CDH13: variants seen among roughly 807,000 people sequenced by gnomAD.
The protein encoded by CDH13 is cadherin 13.
A neutral mutation model predicts 63.8 loss-of-function variants in CDH13; 24 were observed. The ratio of observed to expected loss-of-function variants is 0.38; its 90% CI spans 0.27 to 0.53. The LOEUF (loss-of-function observed/expected upper bound fraction) is 0.53. CDH13 is among the 20% of genes least tolerant of loss of function. CDH13 has a pLI of 0.85. For synonymous variants in CDH13, 503 were observed against 355.3 expected, an observed-to-expected ratio of 1.42 and a Z score of -4.67; for missense variants, 1,049 against 903.1, an observed-to-expected ratio of 1.16 and a Z score of -2.07.
intron 3 of CDH13, among the ~76,000 whole-genome samples, chr16:83,057,632 C>T (rs889817892): frequency 1.3e-5 from 2 of 151,448 alleles, no homozygotes; most frequent in Admixed American, 6.6e-5. Flanking sequence ...AAGGCTAAAT[C>T]CTTAGCATGA....
At chr16:83,016,132 A>G (rs1186891294) in intron 2 of CDH13, among the ~76,000 whole-genome samples, 3 of 152,184 alleles carry the variant, frequency 2.0e-5, no homozygotes, top group Admixed American at 6.5e-5. Flanking sequence ...GGGATGTAAT[A>G]AAAATCACTT....
intron 2 of CDH13, among the ~76,000 whole-genome samples, chr16:83,025,749 C>T (rs558425544): frequency 5.9e-5 from 9 of 152,130 alleles, no homozygotes; most frequent in Non-Finnish European, 1.2e-4. Flanking sequence ...ATAACAGTTG[C>T]TGGCATGCCA....
At chr16:82,719,964 T>C (rs530572800) in intron 1 of CDH13, among the ~76,000 whole-genome samples, 1 of 152,186 alleles carries the variant, frequency 6.6e-6, no homozygotes, top group East Asian at 1.9e-4. Context: ...GCAATTTTAC[T>C]GTATGCTAAA....
chr16:83,382,799 A>G (rs1231004050), intron 6 of CDH13, among the ~76,000 whole-genome samples: 2 of 152,048 alleles, frequency 1.3e-5, no homozygotes, highest in African/African-American at 2.4e-5. Context: ...ATCCAGTTAC[A>G]CCAATGGTTC....
chr16:83,570,367 C>G (rs536985912), intron 7 of CDH13, among the ~76,000 whole-genome samples: 1 of 152,138 alleles, frequency 6.6e-6, no homozygotes, highest in East Asian at 1.9e-4. Context: ...TCTGATGACA[C>G]TTGTCTCGGA....
At chr16:83,086,408 C>T (rs1000267228) in intron 3 of CDH13, among the ~76,000 whole-genome samples, 1 of 152,146 alleles carries the variant, frequency 6.6e-6, no homozygotes, top group African/African-American at 2.4e-5. Context: ...ATAATTCCTT[C>T]CACTGGAGTT....
At chr16:82,832,916 G>A (rs544317812) in intron 1 of CDH13, among the ~76,000 whole-genome samples, 3 of 152,232 alleles carry the variant, frequency 2.0e-5, no homozygotes, top group Admixed American at 6.5e-5. Flanking sequence ...AGATGCTTAA[G>A]AGGCTGCTTT....
chr16:83,612,352 T>A (rs1304282214), intron 8 of CDH13, among the ~76,000 whole-genome samples: 1 of 152,084 alleles, frequency 6.6e-6, no homozygotes, highest in South Asian at 2.1e-4. Flanking sequence ...AGTGTCATCA[T>A]GGTATATTTC....
chr16:82,947,798 C>T (rs1366338207), intron 2 of CDH13, among the ~76,000 whole-genome samples: 1 of 152,008 alleles, frequency 6.6e-6, no homozygotes, highest in African/African-American at 2.4e-5. Context: ...AGAATCAGTT[C>T]CTCAAGTGGA....
At chr16:83,502,605 C>T (rs1036350711) in intron 7 of CDH13, among the ~76,000 whole-genome samples, 6 of 152,092 alleles carry the variant, frequency 3.9e-5, no homozygotes, top group Non-Finnish European at 5.9e-5. Flanking sequence ...AAAGAGATGA[C>T]GTGTTAAATA....
At chr16:82,885,341 T>A (rs959334995) in intron 2 of CDH13, among the ~76,000 whole-genome samples, 2 of 152,136 alleles carry the variant, frequency 1.3e-5, no homozygotes, top group African/African-American at 4.8e-5. Context: ...ATAATCAGTT[T>A]TATGTTTTTT....
At chr16:83,421,435 C>A (rs2071710623) in intron 6 of CDH13, among the ~76,000 whole-genome samples, 1 of 152,096 alleles carries the variant, frequency 6.6e-6, no homozygotes, top group Non-Finnish European at 1.5e-5. Flanking sequence ...TACATCTTTC[C>A]AATTAATTAT....
At chr16:83,108,047 C>T (rs1053229541) in intron 3 of CDH13, among the ~76,000 whole-genome samples, 1 of 152,022 alleles carries the variant, frequency 6.6e-6, no homozygotes, top group Admixed American at 6.6e-5. Context: ...GGTCTTGACT[C>T]CCTGACCTCG....
At chr16:83,025,050 C>T (rs1021239791) in intron 2 of CDH13, among the ~76,000 whole-genome samples, 1 of 152,144 alleles carries the variant, frequency 6.6e-6, no homozygotes, top group Non-Finnish European at 1.5e-5. Flanking sequence ...GAAAAATCAG[C>T]TGGAAGAAGG....
intron 10 of CDH13, chr16:83,725,398 G>A (rs1910266772): frequency 6.6e-6 from 1 of 152,290 alleles, no homozygotes. Context: ...AGGGTCAAGT[G>A]GTACCTCTGT....
At chr16:83,142,933 G>A (rs9930093) in intron 4 of CDH13, among the ~76,000 whole-genome samples, 6,162 of 152,172 alleles carry the variant, frequency 0.04, 381 homozygotes, top group African/African-American at 0.14. Flanking sequence ...AAGAAACCCC[G>A]TATGTACTGA....
At chr16:82,949,260 C>G (rs79308575) in intron 2 of CDH13, among the ~76,000 whole-genome samples, 60 of 152,132 alleles carry the variant, frequency 3.9e-4, no homozygotes, top group African/African-American at 1.4e-3. Flanking sequence ...TCTGGCAGCC[C>G]CAGGTGTTCC....
At chr16:83,365,990 A>G (rs79730292) in intron 6 of CDH13, among the ~76,000 whole-genome samples, 13,372 of 152,244 alleles carry the variant, frequency 0.088, 813 homozygotes, top group Non-Finnish European at 0.13. Context: ...TGTGAACCCC[A>G]CGGAGGTCAT....
chr16:82,829,823 A>G (rs1229620141), intron 1 of CDH13, among the ~76,000 whole-genome samples: 3 of 152,210 alleles, frequency 2.0e-5, no homozygotes, highest in African/African-American at 4.8e-5. Context: ...TGTGTAAGCA[A>G]TAATCTGATT....
Sources: allele counts gnomAD v4.1 joint callset (sites outside exome capture counted in the v4.1 genomes callset), GRCh38; gene constraint gnomAD v4.1.1; transcripts MANE v1.5; gene names NCBI Gene and HGNC (gene_info 2026-07-23, HGNC 2026-07-21).